Variants in TENM2 observed in about 807,000 individuals in gnomAD.
The protein encoded by TENM2 is teneurin-2.
A neutral mutation model predicts 245.2 loss-of-function variants in TENM2; 52 were observed. The ratio of observed to expected loss-of-function variants is 0.21; its 90% confidence interval spans 0.17 to 0.27. The LOEUF (loss-of-function observed/expected upper bound fraction) is 0.27, where lower values mean the gene tolerates loss of function less well. TENM2 is among the 10% of genes least tolerant of loss of function. The probability of loss-of-function intolerance (pLI) is 1.00; values close to 1 mark genes in which losing one functional copy is unlikely to be tolerated. For synonymous variants in TENM2, 1,363 were observed against 1,438.9 expected (o/e 0.95, Z 1.19); for missense variants, 3,046 against 3,666.8 (o/e 0.83, Z 4.37).
chr5:167,496,445 G>A (rs920323471), intron 2 of TENM2, among the ~76,000 whole-genome samples: 2 of 152,092 alleles, frequency 1.3e-5, no homozygotes, highest in Admixed American at 6.6e-5. Context: ...CAATCAGTTA[G>A]TAATCCTTTT....
At chr5:167,505,997 A>G (rs1264959418) in intron 2 of TENM2, among the ~76,000 whole-genome samples, 7 of 152,034 alleles carry the variant, frequency 4.6e-5, no homozygotes, top group Non-Finnish European at 1.0e-4. Flanking sequence ...CCTGGGTAAC[A>G]TAGTGAGACC....
chr5:168,051,240 G>C (rs1789060110), intron 6 of TENM2, among the ~76,000 whole-genome samples: 1 of 152,178 alleles, frequency 6.6e-6, no homozygotes, highest in African/African-American at 2.4e-5. Context: ...ACTCATTTTA[G>C]ATTCAAGTTG....
the TENM2 span, among the ~76,000 whole-genome samples, chr5:167,033,449 C>G: frequency 6.6e-6 from 1 of 152,144 alleles, no homozygotes; most frequent in Non-Finnish European, 1.5e-5. Flanking sequence ...TGTGCTGTTG[C>G]TTACGTTTAT....
Position 167,431,940 on chromosome 5 carries a change from C to CAT in TENM2, c.502+56474_502+56475dup, listed in dbSNP as rs1189670905. 3.6e-3 allele frequency among the ~76,000 whole-genome samples: 238 copies of CAT among 65,756 alleles called. 2 individuals are homozygous for CAT. The highest frequency in any genetic ancestry group is 0.013 in the African/African-American group (221 of 16,924). 43.1% of individuals were successfully genotyped at this position (65,756 alleles called of 152,430 possible). On this transcript the variant is annotated intron_variant, in intron 2 of 28. Coordinates refer to ENST00000518659, the Ensembl canonical transcript of TENM2. ...ATATATATATATACATATATATATA[C>CAT]ATATATATGTATATATATATGTATA... is the stretch of plus-strand genomic sequence containing the variant.
Position 168,036,651 on chromosome 5 carries a change from T to A in TENM2, c.1187-10776T>A, listed in dbSNP as rs1394466334. Reference sequence around the variant, plus strand: ...AACTCCATCAAAAAAAAAATATATATATATATATATATAATATATGTATGT... The same window carrying A: ...AACTCCATCAAAAAAAAAATATATAAATATATATATATAATATATGTATGT... On this transcript the variant is annotated intron_variant, in intron 5 of 28. Transcript: ENST00000518659. Among the ~76,000 whole-genome samples the A allele has an allele frequency of 4.8e-3, 646 of 133,244 alleles. 14 individuals carry two copies. The highest frequency in any genetic ancestry group is 0.017 in the African/African-American group (594 of 35,418). 87.4% of individuals were successfully genotyped at this position (133,244 alleles called of 152,430 possible). A position where few individuals can be genotyped will look rare whatever the true frequency, so the allele number is the denominator to read the frequency against.
chr5:168,231,104 C>T (rs970953049), intron 25 of TENM2: 1 of 152,246 alleles, frequency 6.6e-6, no homozygotes, highest in Non-Finnish European at 1.5e-5. Context: ...GCTTAATAAG[C>T]AGGCCTGGAT....
At chr5:168,132,408 G>A (rs1754671443) in intron 12 of TENM2, among the ~76,000 whole-genome samples, 1 of 152,110 alleles carries the variant, frequency 6.6e-6, no homozygotes, top group African/African-American at 2.4e-5. Context: ...ATGTGATTTA[G>A]TAATGTCTGC....
chr5:167,545,498 TA>T lies in TENM2; in HGVS notation c.502+170029del, dbSNP rs200930364. 1.1e-3 allele frequency among the ~76,000 whole-genome samples: 168 copies of T among 152,298 alleles called. 2 individuals carry two copies. The East Asian group carries it at 0.03, about 27-fold the overall frequency. On this transcript the variant is annotated intron_variant, in intron 2 of 28. Coordinates refer to ENST00000518659, the Ensembl canonical transcript of TENM2. ...AATCTTGCTAGATAAACATGTTTTT[TA>T]AAAGATTTAATTGTCACGGCTCCCA... is the stretch of plus-strand genomic sequence containing the variant.
chr5:167,914,426 G>T (rs1008701305), intron 3 of TENM2, among the ~76,000 whole-genome samples: 3 of 151,816 alleles, frequency 2.0e-5, no homozygotes, highest in African/African-American at 7.3e-5. Flanking sequence ...CTGTCTCTCT[G>T]GTTCTCTCTC....
intron 2 of TENM2, among the ~76,000 whole-genome samples, chr5:167,428,291 T>G (rs982677024): frequency 6.6e-6 from 1 of 152,222 alleles, no homozygotes; most frequent in Admixed American, 6.5e-5. Context: ...AAAGTTTAAG[T>G]GCCTCAGTAA....
intron 13 of TENM2, among the ~76,000 whole-genome samples, chr5:168,163,139 C>A (rs959407684): frequency 1.3e-5 from 2 of 152,208 alleles, no homozygotes; most frequent in Admixed American, 1.3e-4. Context: ...ATGCCTGCTG[C>A]CTTCATCCTT....
intron 2 of TENM2, among the ~76,000 whole-genome samples, chr5:167,499,960 G>T (rs72829390): frequency 7.0e-6 from 1 of 142,330 alleles, no homozygotes; most frequent in Non-Finnish European, 1.5e-5. Context: ...GTGTATGTAC[G>T]TGTATGTGAG....
chr5:167,918,859 C>T (rs983344067), intron 3 of TENM2, among the ~76,000 whole-genome samples: 7 of 151,176 alleles, frequency 4.6e-5, no homozygotes, highest in Non-Finnish European at 5.9e-5. Context: ...AAAGTTACCA[C>T]GGGGACAAAA....
At chr5:167,332,004 G>A (rs1757488796) in intron 1 of TENM2, among the ~76,000 whole-genome samples, 1 of 152,158 alleles carries the variant, frequency 6.6e-6, no homozygotes, top group South Asian at 2.1e-4. Context: ...TGCCTTTATC[G>A]ACCAACGTAT....
intron 2 of TENM2, among the ~76,000 whole-genome samples, chr5:167,611,571 T>C (rs1040909535): frequency 2.6e-5 from 4 of 152,128 alleles, no homozygotes; most frequent in Admixed American, 2.0e-4. Flanking sequence ...GGGAAGTAGT[T>C]AGAGGATATT....
At position 168,244,328 on chromosome 5, in the gene TENM2, A is replaced by T; in HGVS notation, c.5521-92A>T. On this transcript the variant is annotated intron_variant, in intron 25 of 28. Coordinates refer to ENST00000518659, the Ensembl canonical transcript of TENM2. The surrounding 1 kb of genome is among the most constrained non-coding windows in gnomAD (Gnocchi z 4.9). ...TATTTCTTCCTCCAGTGAACACTTAAGCCCTGGCCATGCCAGCCATGTCCT... is the reference window on the plus strand; with the variant it reads ...TATTTCTTCCTCCAGTGAACACTTATGCCCTGGCCATGCCAGCCATGTCCT... The T allele has an allele frequency of 9.6e-7, 1 of 1,040,504 alleles. No individual in the cohort carries two copies. The highest frequency in any genetic ancestry group is 1.3e-6 in the Non-Finnish European group (1 of 749,562). The allele number at this position is 1,040,504 out of a possible 1,614,324, so 64.5% of individuals were successfully genotyped here. A position where few individuals can be genotyped will look rare whatever the true frequency, so the allele number is the denominator to read the frequency against.
At chr5:168,057,294 C>T (rs556946683) in intron 6 of TENM2, among the ~76,000 whole-genome samples, 13 of 148,960 alleles carry the variant, frequency 8.7e-5, no homozygotes, top group African/African-American at 3.3e-4. Flanking sequence ...GACCCCCTAC[C>T]CCTGTCGCCT....
At chr5:167,380,658 G>T (rs73369753) in intron 2 of TENM2, among the ~76,000 whole-genome samples, 3,235 of 152,124 alleles carry the variant, frequency 0.021, 92 homozygotes, top group African/African-American at 0.073. Context: ...CTTCCTTTTG[G>T]CAAGGGCAGC....
chr5:168,066,939 GC>G, intron 7 of TENM2, among the ~76,000 whole-genome samples: 1 of 152,190 alleles, frequency 6.6e-6, no homozygotes, highest in East Asian at 1.9e-4. Flanking sequence ...AGAATCTTGG[GC>G]GGTTAAGGCA....
Sources: gnomAD v4.1 joint callset for allele counts (sites outside exome capture counted in the v4.1 genomes callset) on GRCh38, gnomAD v4.1.1 for gene constraint, Gnocchi (gnomAD v3.1) non-coding constraint, MANE v1.5 for transcripts, NCBI Gene and HGNC (gene_info 2026-07-23, HGNC 2026-07-21) for gene names.